The following ITPR1 variants were observed in gnomAD, a reference collection of about 807,000 sequenced individuals.
ITPR1 encodes the protein inositol 1,4,5-trisphosphate receptor type 1.
ITPR1 carries 96 observed loss-of-function variants against 318.4 expected under a neutral mutation model. The ratio of observed to expected loss-of-function variants is 0.30; its 90% CI spans 0.26 to 0.36. ITPR1 has a LOEUF of 0.36. ITPR1 is among the 10% of genes least tolerant of loss of function. The pLI is 1.00. For synonymous variants in ITPR1, 1,312 were observed against 1,289.9 expected (o/e 1.02, Z -0.37); for missense variants, 2,440 against 3,460.2 (o/e 0.71, Z 7.40).
In ITPR1 at chr3:4,768,790, G is replaced by C. The variant is rs112927833; in HGVS notation, c.5979+26G>C. 17 of 1,591,106 alleles carry C rather than the reference G, an allele frequency of 1.1e-5. No individual in the cohort carries two copies. In the African/African-American group the frequency reaches 1.6e-4, roughly 15 times the overall value. On this transcript the variant is annotated intron_variant, in intron 46 of 61. Transcript: ENST00000649015. ...GTGAGGGCCTGGGGGTGGGGGCGTG[G>C]AGGGAGCTCGGGAAAGGCTGCCAAG...
chr3:4,567,117 A>G (rs2087378444), intron 4 of ITPR1, among the ~76,000 whole-genome samples: 1 of 152,222 alleles, frequency 6.6e-6, no homozygotes, highest in African/African-American at 2.4e-5. Flanking sequence ...TGTGAGAGTT[A>G]AACAAGTTGA....
chr3:4,740,438 A>T (rs556635773), intron 44 of ITPR1, among the ~76,000 whole-genome samples: 206 of 152,356 alleles, frequency 1.4e-3, no homozygotes, highest in Non-Finnish European at 2.4e-3. Context: ...TCTAGATTTC[A>T]TTGTCCAGAC....
chr3:4,696,701 A>G (rs1293999697), intron 33 of ITPR1, among the ~76,000 whole-genome samples: 1 of 100,044 alleles, frequency 1.0e-5, no homozygotes, highest in Non-Finnish European at 2.0e-5. Context: ...TTGACATTTG[A>G]TATTCCTTTA....
At chr3:4,761,797 T>C (rs1186761208) in intron 44 of ITPR1, among the ~76,000 whole-genome samples, 2 of 152,076 alleles carry the variant, frequency 1.3e-5, no homozygotes, top group Non-Finnish European at 2.9e-5. Context: ...TGCTCTCAGC[T>C]CCCACCAGCC....
chr3:4,797,401 A>G (rs1165765556), intron 53 of ITPR1, among the ~76,000 whole-genome samples: 1 of 152,160 alleles, frequency 6.6e-6, no homozygotes, highest in Non-Finnish European at 1.5e-5. Flanking sequence ...CCTAAAGGCA[A>G]GATTTCATAA....
intron 46 of ITPR1, among the ~76,000 whole-genome samples, chr3:4,769,625 G>A (rs1253947952): frequency 6.6e-6 from 1 of 152,128 alleles, no homozygotes; most frequent in Non-Finnish European, 1.5e-5. Context: ...GGTTTGTTAG[G>A]CACTTATGAT....
chr3:4,818,870 C>T (rs564599398), intron 60 of ITPR1, among the ~76,000 whole-genome samples: 10 of 152,198 alleles, frequency 6.6e-5, no homozygotes, highest in Admixed American at 1.3e-4. Context: ...AGACACCAAA[C>T]GTGCGCTGTG....
chr3:4,598,508 C>G (rs2091025146), intron 4 of ITPR1, among the ~76,000 whole-genome samples: 1 of 152,042 alleles, frequency 6.6e-6, no homozygotes. Context: ...GTGATCCCAG[C>G]TACTCGGTGG....
At chr3:4,814,328 C>G in intron 57 of ITPR1, 95 bp from the exon 58 acceptor site, 1 of 1,266,038 alleles carries the variant, frequency 7.9e-7, no homozygotes, top group South Asian at 1.2e-5. Context: ...CTTTCGTGTG[C>G]CTGGTGAGAT....
At chr3:4,726,089 G>A (rs1323648200) in intron 41 of ITPR1, among the ~76,000 whole-genome samples, 6 of 152,104 alleles carry the variant, frequency 3.9e-5, no homozygotes, top group Admixed American at 6.6e-5. Context: ...GAGTGCAGTG[G>A]CACAACCTTG....
intron 4 of ITPR1, among the ~76,000 whole-genome samples, chr3:4,583,452 G>A (rs1481194194): frequency 1.2e-4 from 19 of 152,122 alleles, no homozygotes; most frequent in Admixed American, 1.2e-3. Flanking sequence ...GAAGGTTGTT[G>A]CAGGGGCTGG....
At chr3:4,665,654 A>C (rs1289371299) in intron 17 of ITPR1, among the ~76,000 whole-genome samples, 1 of 152,132 alleles carries the variant, frequency 6.6e-6, no homozygotes, top group Non-Finnish European at 1.5e-5. Context: ...CACCTTTAAA[A>C]TTCTCCGTCT....
intron 5 of ITPR1, among the ~76,000 whole-genome samples, chr3:4,637,756 T>C (rs1401941675): frequency 1.3e-5 from 2 of 152,206 alleles, no homozygotes; most frequent in Non-Finnish European, 2.9e-5. Flanking sequence ...CTTCTGGCAG[T>C]TCATTTTTCT....
chr3:4,846,882 C>T lies in ITPR1; in HGVS notation c.*657C>T, dbSNP rs1297769933. On this transcript the variant is annotated 3_prime_UTR_variant, in exon 62 of 62. Transcript: ENST00000649015. ...ATTTTAAGAAAAGCAACTTTAGTTT[C>T]AAAGATACTTTTAAGCTTCTAAATT... 1.3e-5 allele frequency: 2 copies of T among 152,518 alleles called. No individual in the cohort carries two copies. Among genetic ancestry groups the T allele is most frequent in the Non-Finnish European group, 2.9e-5 (2 of 67,970 alleles). The allele number at this position is 152,518 out of a possible 1,614,324, so 9.4% of individuals were successfully genotyped here.
At chr3:4,755,901 C>T (rs1237566884) in intron 44 of ITPR1, among the ~76,000 whole-genome samples, 1 of 152,186 alleles carries the variant, frequency 6.6e-6, no homozygotes, top group East Asian at 1.9e-4. Context: ...TTCACTTCAT[C>T]GCTTCCTTTC....
At chr3:4,579,363 C>T (rs973798301) in intron 4 of ITPR1, among the ~76,000 whole-genome samples, 1 of 152,042 alleles carries the variant, frequency 6.6e-6, no homozygotes, top group Non-Finnish European at 1.5e-5. Context: ...ATAAATATTT[C>T]TAAATACTTG....
chr3:4,803,278 TG>T (rs147912591), intron 54 of ITPR1, among the ~76,000 whole-genome samples: 85 of 152,224 alleles, frequency 5.6e-4, no homozygotes, highest in African/African-American at 2.0e-3. Context: ...TTAACAGATT[TG>T]GGGGGGACAC....
chr3:4,735,979 A>G (rs1209973886), intron 44 of ITPR1, among the ~76,000 whole-genome samples: 1 of 152,222 alleles, frequency 6.6e-6, no homozygotes, highest in East Asian at 1.9e-4. Flanking sequence ...CTTTTTATAG[A>G]TGTCCTTAAA....
intron 42 of ITPR1, among the ~76,000 whole-genome samples, chr3:4,732,481 G>A (rs1316529982): frequency 3.8e-5 from 1 of 26,444 alleles, no homozygotes; most frequent in African/African-American, 4.4e-5. Flanking sequence ...TTTTACCTAT[G>A]TTGGGTTTTT....
Sources: gnomAD v4.1 joint callset for allele counts (sites outside exome capture counted in the v4.1 genomes callset) on GRCh38, gnomAD v4.1.1 for gene constraint, MANE v1.5 for transcripts, NCBI Gene and HGNC (gene_info 2026-07-23, HGNC 2026-07-21) for gene names.